Variants in PLXNA4 observed in about 807,000 individuals in gnomAD.
PLXNA4 encodes plexin A4.
Under a neutral mutation model 191.8 loss-of-function variants are expected in PLXNA4, and 44 were observed. That is an observed-to-expected ratio of 0.23 (90% CI 0.18 to 0.29). The LOEUF (loss-of-function observed/expected upper bound fraction) is 0.29. PLXNA4 is among the 10% of genes least tolerant of loss of function. The pLI is 1.00. For missense variants in PLXNA4, 1,800 were observed against 2,488.8 expected, an observed-to-expected ratio of 0.72 and a Z score of 5.89; for synonymous variants, 1,082 against 1,009.5, an observed-to-expected ratio of 1.07 and a Z score of -1.36.
At chr7:132,334,248 C>CTT (rs1389956728) in intron 3 of PLXNA4, among the ~76,000 whole-genome samples, 6 of 99,752 alleles carry the variant, frequency 6.0e-5, no homozygotes, top group African/African-American at 2.0e-4. Context: ...TTCTTTCTTT[C>CTT]TTTCTTTTTT....
At chr7:132,331,965 C>T (rs1363222907) in intron 3 of PLXNA4, among the ~76,000 whole-genome samples, 1 of 152,178 alleles carries the variant, frequency 6.6e-6, no homozygotes, top group Admixed American at 6.5e-5. Context: ...GGCATCTGGA[C>T]AACCTTGGAC....
chr7:132,640,264 T>A (rs1283991802), intron 2 of PLXNA4, among the ~76,000 whole-genome samples: 2 of 152,162 alleles, frequency 1.3e-5, no homozygotes, highest in African/African-American at 4.8e-5. Context: ...AGCATAGAAC[T>A]GACAACCAAA....
intron 4 of PLXNA4, among the ~76,000 whole-genome samples, chr7:132,291,795 A>T (rs1800902190): frequency 6.6e-6 from 1 of 152,010 alleles, no homozygotes; most frequent in African/African-American, 2.4e-5. Flanking sequence ...AGGAGAGTTT[A>T]TTTATTTATT....
intron 3 of PLXNA4, among the ~76,000 whole-genome samples, chr7:132,346,808 G>A (rs1489356044): frequency 4.6e-5 from 7 of 152,186 alleles, no homozygotes; most frequent in Admixed American, 2.6e-4. Context: ...ATGAGTCCAG[G>A]CTCCTAGAGA....
chr7:132,503,612 C>T (rs975835715), intron 2 of PLXNA4, among the ~76,000 whole-genome samples: 1 of 152,200 alleles, frequency 6.6e-6, no homozygotes, highest in African/African-American at 2.4e-5. Context: ...GTCACATGCT[C>T]TGCAGACAGG....
intron 9 of PLXNA4, among the ~76,000 whole-genome samples, chr7:132,220,829 T>C (rs1798120442): frequency 1.4e-5 from 2 of 146,458 alleles, no homozygotes; most frequent in South Asian, 4.4e-4. Flanking sequence ...TTTTTTTTTT[T>C]TGAGACAGGA....
chr7:132,575,889 G>A (rs564824372), intron 1 of PLXNA4, among the ~76,000 whole-genome samples: 2 of 152,208 alleles, frequency 1.3e-5, no homozygotes, highest in African/African-American at 4.8e-5. Flanking sequence ...CCTCCTCCCC[G>A]GGCGCTGGGC....
intron 9 of PLXNA4, among the ~76,000 whole-genome samples, chr7:132,218,547 C>T (rs55949530): frequency 0.18 from 27,189 of 152,162 alleles, 2,602 homozygotes; most frequent in African/African-American, 0.23. Context: ...CAAATTCTTG[C>T]CAATGGATTT....
intron 1 of PLXNA4, among the ~76,000 whole-genome samples, chr7:132,549,863 T>C (rs1426500): frequency 0.99 from 151,246 of 152,242 alleles, 75,140 homozygotes; most frequent in Middle Eastern, 1. Flanking sequence ...TTTTTGTGGA[T>C]GGGCAGACAA....
chr7:132,210,569 C>T (rs574902246), intron 10 of PLXNA4, among the ~76,000 whole-genome samples: 16 of 152,272 alleles, frequency 1.1e-4, no homozygotes, highest in African/African-American at 3.6e-4. Context: ...GAAGGCAGGG[C>T]GCAGGGCTTT....
At chr7:132,315,237 A>T (rs1801899542) in intron 3 of PLXNA4, among the ~76,000 whole-genome samples, 1 of 152,202 alleles carries the variant, frequency 6.6e-6, no homozygotes, top group South Asian at 2.1e-4. Flanking sequence ...TCTCTAGTTC[A>T]TTCCATTGCT....
chr7:132,488,957 C>T (rs1158575168), intron 3 of PLXNA4, among the ~76,000 whole-genome samples: 1 of 152,182 alleles, frequency 6.6e-6, no homozygotes, highest in Non-Finnish European at 1.5e-5. Context: ...TCCCCAATTG[C>T]TCAGACCTAA....
At chr7:132,530,340 A>G (rs920335869) in intron 1 of PLXNA4, among the ~76,000 whole-genome samples, 1 of 152,236 alleles carries the variant, frequency 6.6e-6, no homozygotes, top group African/African-American at 2.4e-5. Context: ...AAGAGACAAC[A>G]TATTTGCAAA....
intron 4 of PLXNA4, among the ~76,000 whole-genome samples, chr7:132,244,281 C>A (rs984544070): frequency 6.6e-6 from 1 of 152,140 alleles, no homozygotes; most frequent in Non-Finnish European, 1.5e-5. Context: ...CTTGTTAATG[C>A]TCTGACAAAG....
At chr7:132,315,361 G>A (rs1801904517) in intron 3 of PLXNA4, among the ~76,000 whole-genome samples, 1 of 152,120 alleles carries the variant, frequency 6.6e-6, no homozygotes, top group African/African-American at 2.4e-5. Flanking sequence ...AAGATTCACA[G>A]CACAATTTAA....
At chr7:132,524,171 C>T (rs369128049) in intron 1 of PLXNA4, among the ~76,000 whole-genome samples, 22 of 152,290 alleles carry the variant, frequency 1.4e-4, no homozygotes, top group African/African-American at 5.1e-4. Context: ...GTAACTGTGA[C>T]GGCCCCTGGG....
intron 4 of PLXNA4, among the ~76,000 whole-genome samples, chr7:132,263,183 T>G (rs1799716414): frequency 6.6e-6 from 1 of 152,058 alleles, no homozygotes; most frequent in Non-Finnish European, 1.5e-5. Flanking sequence ...CTCACATCCA[T>G]CTAGTTGGCA....
At chr7:132,477,110 A>G (rs1313799154) in intron 3 of PLXNA4, among the ~76,000 whole-genome samples, 2 of 152,200 alleles carry the variant, frequency 1.3e-5, no homozygotes. Flanking sequence ...TTAAGTCAAG[A>G]AGTGCCTAGC....
At chr7:132,232,573 A>G (rs940519613) in intron 5 of PLXNA4, among the ~76,000 whole-genome samples, 5 of 152,064 alleles carry the variant, frequency 3.3e-5, no homozygotes, top group African/African-American at 1.2e-4. Flanking sequence ...AAAGGTGCAA[A>G]AAGCCCTTGG....
Sources: gnomAD v4.1 joint callset for allele counts (sites outside exome capture counted in the v4.1 genomes callset) on GRCh38, gnomAD v4.1.1 for gene constraint, MANE v1.5 for transcripts, NCBI Gene and HGNC (gene_info 2026-07-23, HGNC 2026-07-21) for gene names.